The following GRID2 variants were observed in gnomAD, a reference collection of about 807,000 sequenced individuals.
The protein encoded by GRID2 is glutamate receptor ionotropic, delta-2.
In GRID2, 33 loss-of-function variants were observed where a neutral mutation model predicts 114.8. The ratio of observed to expected loss-of-function variants is 0.29; its 90% CI spans 0.22 to 0.38. The LOEUF (loss-of-function observed/expected upper bound fraction) is 0.38, where lower values mean the gene tolerates loss of function less well. Among genes scored for constraint, GRID2 ranks in the 10% least tolerant of loss-of-function variants. The pLI is 1.00. For missense variants in GRID2, 1,184 were observed against 1,257.7 expected, an observed-to-expected ratio of 0.94 and a Z score of 0.89; for synonymous variants, 505 against 449.9, an observed-to-expected ratio of 1.12 and a Z score of -1.55.
intron 1 of GRID2, among the ~76,000 whole-genome samples, chr4:92,339,330 G>T (rs1727353194): frequency 6.6e-6 from 1 of 152,054 alleles, no homozygotes; most frequent in Non-Finnish European, 1.5e-5. Flanking sequence ...TTAAAAAGAG[G>T]TTGAGAGAGC....
At chr4:92,682,710 A>ACACACACACACACACACC (rs1733709183) in intron 2 of GRID2, among the ~76,000 whole-genome samples, 1 of 150,878 alleles carries the variant, frequency 6.6e-6, no homozygotes, top group Non-Finnish European at 1.5e-5. Context: ...ACACACACAC[A>ACACACACACACACACACC]CACACTCTTC....
intron 2 of GRID2, among the ~76,000 whole-genome samples, chr4:92,930,562 T>G (rs571421866): frequency 6.7e-6 from 1 of 150,350 alleles, no homozygotes; most frequent in South Asian, 2.1e-4. Context: ...ATTCTTTATC[T>G]TGTTACACTT....
At chr4:93,233,307 C>T (rs1189274174) in intron 7 of GRID2, among the ~76,000 whole-genome samples, 1 of 150,684 alleles carries the variant, frequency 6.6e-6, no homozygotes, top group Non-Finnish European at 1.5e-5. Flanking sequence ...TAACGTGACA[C>T]TGAAGGATTA....
chr4:93,576,087 C>T (rs1736392347), intron 13 of GRID2, among the ~76,000 whole-genome samples: 2 of 152,240 alleles, frequency 1.3e-5, no homozygotes, highest in South Asian at 2.1e-4. Flanking sequence ...AATTCACTTA[C>T]CTGTAACATC....
chr4:93,772,024 C>A, intron 15 of GRID2, 52 bp from the exon 16 acceptor site: 2 of 1,033,116 alleles, frequency 1.9e-6, no homozygotes, highest in South Asian at 1.5e-5. Context: ...TTTTTTTTAA[C>A]CATCAAAGCT....
At chr4:92,518,111 TTCTC>T (rs1226158057) in intron 1 of GRID2, among the ~76,000 whole-genome samples, 7 of 151,842 alleles carry the variant, frequency 4.6e-5, no homozygotes, top group Non-Finnish European at 8.8e-5. Flanking sequence ...GCCTCCCATC[TTCTC>T]TCTCTTTCTC....
chr4:92,367,919 G>A (rs1412721562), intron 1 of GRID2, among the ~76,000 whole-genome samples: 1 of 149,840 alleles, frequency 6.7e-6, no homozygotes, highest in Non-Finnish European at 1.5e-5. Context: ...GAAAATTGTA[G>A]CACCCTGGAC....
chr4:93,279,914 C>A (rs1015072961), intron 8 of GRID2, among the ~76,000 whole-genome samples: 2 of 151,822 alleles, frequency 1.3e-5, no homozygotes, highest in African/African-American at 4.8e-5. Flanking sequence ...GCATTGTATG[C>A]GAAACTGCGG....
chr4:92,604,636 T>A (rs1729369940), intron 2 of GRID2, among the ~76,000 whole-genome samples: 1 of 152,062 alleles, frequency 6.6e-6, no homozygotes, highest in Admixed American at 6.6e-5. Flanking sequence ...TGGCAAACAT[T>A]TGCCTATGTA....
intron 2 of GRID2, among the ~76,000 whole-genome samples, chr4:92,903,694 A>T (rs867974597): frequency 2.0e-5 from 3 of 151,996 alleles, no homozygotes; most frequent in Non-Finnish European, 4.4e-5. Flanking sequence ...AAAAAATTTT[A>T]AAAGGCACAG....
intron 1 of GRID2, among the ~76,000 whole-genome samples, chr4:92,401,528 TATA>T: frequency 6.6e-6 from 1 of 152,072 alleles, no homozygotes; most frequent in African/African-American, 2.4e-5. Flanking sequence ...AAAAAGCAAA[TATA>T]ATAATAAAGT....
chr4:93,737,571 A>C (rs1030907406), intron 14 of GRID2, among the ~76,000 whole-genome samples: 1 of 152,096 alleles, frequency 6.6e-6, no homozygotes, highest in Non-Finnish European at 1.5e-5. Flanking sequence ...TAAAAAATTA[A>C]AAAATAAAAT....
chr4:92,827,846 A>G (rs1231000541), intron 2 of GRID2, among the ~76,000 whole-genome samples: 5 of 152,072 alleles, frequency 3.3e-5, no homozygotes, highest in Admixed American at 2.0e-4. Context: ...TATATTGCTG[A>G]CAGTTTTCTT....
At chr4:92,708,853 G>A (rs752317472) in intron 2 of GRID2, among the ~76,000 whole-genome samples, 32 of 152,126 alleles carry the variant, frequency 2.1e-4, no homozygotes, top group Non-Finnish European at 3.4e-4. Flanking sequence ...GGCGGCGGAG[G>A]TTGCAGTGAG....
At chr4:92,378,107 T>G (rs1013595796) in intron 1 of GRID2, among the ~76,000 whole-genome samples, 2 of 151,800 alleles carry the variant, frequency 1.3e-5, no homozygotes, top group African/African-American at 4.8e-5. Context: ...AAAAAAAAAC[T>G]TAGATATTAG....
At chr4:93,300,081 T>C (rs1350118349) in intron 8 of GRID2, among the ~76,000 whole-genome samples, 1 of 152,134 alleles carries the variant, frequency 6.6e-6, no homozygotes, top group East Asian at 1.9e-4. Context: ...ATACAGTATT[T>C]GTTCTTTATT....
At chr4:92,316,017 A>AAAAAAAAAAAAAAAAAAAAAAGAG (rs1725960592) in intron 1 of GRID2, among the ~76,000 whole-genome samples, 1 of 149,850 alleles carries the variant, frequency 6.7e-6, no homozygotes, top group African/African-American at 2.5e-5. Flanking sequence ...AAAAAAAAGA[A>AAAAAAAAAAAAAAAAAAAAAAGAG]AAGAGAACCC....
chr4:92,342,307 A>G (rs1727536964), intron 1 of GRID2, among the ~76,000 whole-genome samples: 1 of 152,210 alleles, frequency 6.6e-6, no homozygotes, highest in Admixed American at 6.5e-5. Flanking sequence ...AATAATGCAT[A>G]GAAATATAAA....
At chr4:93,567,895 C>A (rs1735585747) in intron 13 of GRID2, among the ~76,000 whole-genome samples, 1 of 152,196 alleles carries the variant, frequency 6.6e-6, no homozygotes, top group Non-Finnish European at 1.5e-5. Flanking sequence ...CACTTACCTT[C>A]TGGAAGTTAG....
Sources: allele counts gnomAD v4.1 joint callset (sites outside exome capture counted in the v4.1 genomes callset), GRCh38; gene constraint gnomAD v4.1.1; transcripts MANE v1.5; gene names NCBI Gene and HGNC (gene_info 2026-07-23, HGNC 2026-07-21).